Variants in ASTN2 observed in about 807,000 individuals in gnomAD.
The protein encoded by ASTN2 is astrotactin-2.
A neutral mutation model predicts 139.8 loss-of-function variants in ASTN2; 54 were observed. The observed-to-expected ratio is 0.39, with a 90% CI of 0.31 to 0.48. The LOEUF (loss-of-function observed/expected upper bound fraction) is 0.48. Ranked by LOEUF, ASTN2 falls within the 20% of genes least tolerant of loss-of-function variation. The probability of loss-of-function intolerance (pLI) is 0.95; values close to 1 mark genes in which losing one functional copy is unlikely to be tolerated. For synonymous variants in ASTN2, 756 were observed against 719.5 expected (o/e 1.05, Z -0.81); for missense variants, 1,565 against 1,725.1 (o/e 0.91, Z 1.64).
chr9:116,615,793 A>G (rs1855819981), intron 19 of ASTN2, among the ~76,000 whole-genome samples: 1 of 152,078 alleles, frequency 6.6e-6, no homozygotes, highest in Non-Finnish European at 1.5e-5. Flanking sequence ...GTTAATGGGT[A>G]CAGCACACCA....
intron 16 of ASTN2, among the ~76,000 whole-genome samples, chr9:116,723,765 A>G (rs146849291): frequency 4.6e-5 from 7 of 152,348 alleles, no homozygotes; most frequent in African/African-American, 1.7e-4. Context: ...GGAGGGGAAG[A>G]AACACACACA....
At chr9:116,456,769 C>T (rs1197492443) in intron 20 of ASTN2, among the ~76,000 whole-genome samples, 5 of 152,164 alleles carry the variant, frequency 3.3e-5, no homozygotes, top group East Asian at 1.9e-4. Context: ...TTCCCTCCTA[C>T]AATACATGGA....
At chr9:116,863,846 A>G in intron 10 of ASTN2, 113 bp from the exon 11 acceptor site, 1 of 1,146,128 alleles carries the variant, frequency 8.7e-7, no homozygotes, top group Non-Finnish European at 1.2e-6. Context: ...AATCAGGAAA[A>G]CAATAATAAT....
intron 19 of ASTN2, among the ~76,000 whole-genome samples, chr9:116,605,534 G>A (rs1855147911): frequency 6.6e-6 from 1 of 152,158 alleles, no homozygotes; most frequent in South Asian, 2.1e-4. Flanking sequence ...ATGATGCTAG[G>A]TGTGACCTAT....
At chr9:116,514,511 A>T (rs911568131) in intron 19 of ASTN2, among the ~76,000 whole-genome samples, 3 of 152,156 alleles carry the variant, frequency 2.0e-5, no homozygotes, top group African/African-American at 7.2e-5. Flanking sequence ...TTGCTGGGAG[A>T]ACCACTACTC....
intron 7 of ASTN2, among the ~76,000 whole-genome samples, chr9:116,980,057 C>T (rs907502320): frequency 6.6e-6 from 1 of 152,184 alleles, no homozygotes; most frequent in African/African-American, 2.4e-5. Flanking sequence ...CCCCATGAGG[C>T]TTCCTGGAGA....
intron 1 of ASTN2, among the ~76,000 whole-genome samples, chr9:117,344,149 G>C (rs1829144176): frequency 6.6e-6 from 1 of 151,796 alleles, no homozygotes; most frequent in African/African-American, 2.4e-5. Flanking sequence ...GAAAAACGAT[G>C]CCAGAACTAC....
At chr9:116,638,849 G>T (rs1401118874) in intron 17 of ASTN2, among the ~76,000 whole-genome samples, 1 of 152,130 alleles carries the variant, frequency 6.6e-6, no homozygotes, top group Non-Finnish European at 1.5e-5. Flanking sequence ...AACAATAATG[G>T]GATGTTTGAT....
At chr9:117,055,680 T>C (rs1219567866) in intron 5 of ASTN2, among the ~76,000 whole-genome samples, 1 of 152,100 alleles carries the variant, frequency 6.6e-6, no homozygotes, top group Non-Finnish European at 1.5e-5. Context: ...GATAAATCAG[T>C]CTTCGAGTAC....
intron 5 of ASTN2, among the ~76,000 whole-genome samples, chr9:117,052,337 G>A (rs1418528475): frequency 6.6e-6 from 1 of 150,920 alleles, no homozygotes; most frequent in East Asian, 2.0e-4. Flanking sequence ...CCTCTCAGGA[G>A]CCTGAGGCAG....
chr9:117,285,282 CTT>C (rs57546484), intron 2 of ASTN2, among the ~76,000 whole-genome samples: 15 of 130,122 alleles, frequency 1.2e-4, no homozygotes, highest in Admixed American at 3.9e-4. Context: ...TTGTAAAAAG[CTT>C]TTTTTTTTTT....
At chr9:116,630,858 A>T (rs528748914) in intron 17 of ASTN2, among the ~76,000 whole-genome samples, 1 of 152,290 alleles carries the variant, frequency 6.6e-6, no homozygotes, top group Non-Finnish European at 1.5e-5. Context: ...AAAAAATCCC[A>T]AAACAGAAAA....
At chr9:116,503,784 A>C (rs1849990881) in intron 19 of ASTN2, among the ~76,000 whole-genome samples, 2 of 152,198 alleles carry the variant, frequency 1.3e-5, no homozygotes, top group South Asian at 4.1e-4. Flanking sequence ...GCAGCTCATT[A>C]GGGCTTACAA....
intron 4 of ASTN2, among the ~76,000 whole-genome samples, chr9:117,122,433 A>G (rs772575352): frequency 2.6e-5 from 4 of 152,192 alleles, no homozygotes; most frequent in Non-Finnish European, 4.4e-5. Flanking sequence ...CTCAGGTTGC[A>G]TTTAGGGACA....
rs1266841838 is a variant in ASTN2, at chr9:116,733,534, G to A, written c.2397-11C>T. 6.2e-7 allele frequency: 1 copy of A among 1,613,988 alleles called. No homozygotes were observed. The highest frequency in any genetic ancestry group is 8.5e-7 in the Non-Finnish European group (1 of 1,179,970). The stretch of plus-strand genomic sequence containing the variant: ...ATGAAGTTGTTCTCCCTGTGGAGAG[G>A]AGCAGAGAGACTGCCAAATCGAGGA... On this transcript the variant is annotated splice_polypyrimidine_tract_variant and intron_variant, in intron 13 of 22. Transcript: ENST00000313400.
intron 5 of ASTN2, among the ~76,000 whole-genome samples, chr9:117,044,874 T>C: frequency 6.6e-6 from 1 of 152,224 alleles, no homozygotes; most frequent in East Asian, 1.9e-4. Flanking sequence ...CATTGAATCC[T>C]CTCAGCTAAG....
intron 13 of ASTN2, among the ~76,000 whole-genome samples, chr9:116,773,709 T>A (rs1268685392): frequency 6.6e-6 from 1 of 152,206 alleles, no homozygotes; most frequent in South Asian, 2.1e-4. Flanking sequence ...ATCCTCATTT[T>A]CACAGATGAG....
chr9:116,836,056 C>T (rs1053184242), intron 11 of ASTN2, among the ~76,000 whole-genome samples: 4 of 152,178 alleles, frequency 2.6e-5, no homozygotes, highest in Non-Finnish European at 5.9e-5. Context: ...CCCAGTTCCC[C>T]ATGTGGCCTT....
At position 117,272,710 on chromosome 9, in the gene ASTN2, A is replaced by C. The variant is rs561056834; in HGVS notation, c.630+18616T>G. On this transcript the variant is annotated intron_variant, in intron 2 of 22. Transcript: ENST00000313400. ...CCACAAATCTCTAGGGCAAGGGCAA[A>C]ATGCTGCCAGTCTCTTCACTAAAAC... Among the ~76,000 whole-genome samples, 35 of 152,248 alleles carry C rather than the reference A, an allele frequency of 2.3e-4. 1 individual carries two copies. In the South Asian group the frequency reaches 6.2e-3, roughly 27 times the overall value.
Sources: allele counts gnomAD v4.1 joint callset (sites outside exome capture counted in the v4.1 genomes callset), GRCh38; gene constraint gnomAD v4.1.1; transcripts MANE v1.5; gene names NCBI Gene and HGNC (gene_info 2026-07-23, HGNC 2026-07-21).